ADCY1: variants seen among roughly 807,000 people sequenced by gnomAD.
The protein encoded by ADCY1 is adenylate cyclase type 1.
ADCY1 carries 28 observed loss-of-function variants against 105.4 expected under a neutral mutation model. The observed-to-expected ratio is 0.27, with a 90% confidence interval of 0.20 to 0.36. The LOEUF (loss-of-function observed/expected upper bound fraction) is 0.36. Among genes scored for constraint, ADCY1 ranks in the 10% least tolerant of loss-of-function variants. ADCY1 has a pLI of 1.00. For missense variants in ADCY1, 977 were observed against 1,434.2 expected, an observed-to-expected ratio of 0.68 and a Z score of 5.15; for synonymous variants, 655 against 623.8, an observed-to-expected ratio of 1.05 and a Z score of -0.75.
At position 45,684,985 on chromosome 7, in the gene ADCY1, C is replaced by G; in HGVS notation, c.1990C>G (p.Pro664Ala). The G allele has an allele frequency of 1.9e-6, 3 of 1,613,896 alleles. No individual in the cohort carries two copies. Among genetic ancestry groups the G allele is most frequent in the Non-Finnish European group, 2.5e-6 (3 of 1,179,742 alleles). ...ATTAACATTTCTTATTCAGTGTTTT[C>G]CAGGGTGCCTGACGATTCAGATTCG... ...YLHITRVQCFPGCLTIQIRTV... is the reference protein window; with the variant it reads ...YLHITRVQCFAGCLTIQIRTV... Residue 664 changes from proline to alanine, a missense_variant, in exon 12 of 20, where the codon CCA becomes GCA. Pro to Ala is a conservative substitution (Grantham distance 27). Around this residue, in one of 7 missense-constraint regions of ADCY1, gnomAD observed 275 missense variants for 362.1 expected, o/e 0.76. Transcript: ENST00000297323.
In ADCY1 at chr7:45,607,907, T is replaced by G. The variant is rs183701588; in HGVS notation, c.790-2472T>G. Reference sequence around the variant, plus strand: ...AATAGTGCTGCGATGTACATACACATGTATGTGTCTTTTTGGTAGAATGAT... The same window carrying G: ...AATAGTGCTGCGATGTACATACACAGGTATGTGTCTTTTTGGTAGAATGAT... On this transcript the variant is annotated intron_variant, in intron 2 of 19. Transcript: ENST00000297323. Among the ~76,000 whole-genome samples, 4 of 152,360 alleles carry G rather than the reference T, an allele frequency of 2.6e-5. No individual in the cohort carries two copies. The East Asian group carries it at 7.7e-4, about 29-fold the overall frequency.
At position 45,677,949 on chromosome 7, in the gene ADCY1, C is replaced by T. The variant is rs1261012189; in HGVS notation, c.1686C>T (p.Gly562=). The T allele has an allele frequency of 5.6e-6, 9 of 1,614,106 alleles. No individual in the cohort carries two copies. In the Admixed American group the frequency reaches 1.0e-4, roughly 18 times the overall value. The change falls in exon 9 of 20, where the codon GGC becomes GGT. Residue 562 remains glycine, a synonymous_variant. Coordinates refer to ENST00000297323, the MANE Select transcript of ADCY1 (RefSeq NM_021116.4). ...FSTNVVYTTP[G]TRVNRYISRL... The stretch of plus-strand genomic sequence containing the variant: ...CCAACGTTGTCTACACCACCCCGGG[C>T]ACTCGCGTCAACAGGTACATCAGCC...
intron 19 of ADCY1, among the ~76,000 whole-genome samples, chr7:45,712,126 TATTTAA>T (rs1027616920): frequency 7.2e-6 from 1 of 138,600 alleles, no homozygotes; most frequent in Non-Finnish European, 1.5e-5. Context: ...TAAATTTTTA[TATTTAA>T]AATTTTTATT....
chr7:45,670,308 G>A (rs1468820349), intron 8 of ADCY1, among the ~76,000 whole-genome samples: 1 of 152,164 alleles, frequency 6.6e-6, no homozygotes, highest in East Asian at 1.9e-4. Flanking sequence ...GGCCACTCTC[G>A]TGGATGCCCG....
At chr7:45,651,055 C>G (rs958039062) in intron 5 of ADCY1, among the ~76,000 whole-genome samples, 1 of 152,160 alleles carries the variant, frequency 6.6e-6, no homozygotes, top group Non-Finnish European at 1.5e-5. Flanking sequence ...TGAAACTGGT[C>G]TACCCTAGTG....
rs1350957244 is a variant in ADCY1 at position 45,677,914 on chromosome 7, T to C, written c.1651T>C (p.Ser551Pro). 3 of 1,613,982 alleles carry C rather than the reference T, an allele frequency of 1.9e-6. No homozygotes were observed. Among genetic ancestry groups the C allele is most frequent in the Non-Finnish European group, 2.5e-6 (3 of 1,180,018 alleles). The part of the protein sequence containing the change: ...TASEKLRNRS[S>P]FSTNVVYTTP... ...CTCGGAAAAACTCAGAAACCGCTCA[T>C]CTTTTTCTACCAACGTTGTCTACAC... Residue 551 changes from serine to proline, a missense_variant, in exon 9 of 20, where the codon TCT (serine) becomes CCT (proline). By Grantham distance (74) the Ser-to-Pro change is moderately conservative. Transcript: ENST00000297323.
At chr7:45,606,889 A>T (rs547553609) in intron 2 of ADCY1, among the ~76,000 whole-genome samples, 1 of 152,220 alleles carries the variant, frequency 6.6e-6, no homozygotes, top group East Asian at 1.9e-4. Flanking sequence ...GCTAGAGCTT[A>T]TTGACATATG....
rs1785328392 is a variant in ADCY1, at chr7:45,714,574, C to T, written c.*579C>T. 1 of 153,548 alleles carries T rather than the reference C, an allele frequency of 6.5e-6. No individual in the cohort carries two copies. The highest frequency in any genetic ancestry group is 2.1e-4 in the South Asian group (1 of 4,868). 9.5% of individuals were successfully genotyped at this position (153,548 alleles called of 1,614,324 possible). A position where few individuals can be genotyped will look rare whatever the true frequency, so the allele number is the denominator to read the frequency against. On this transcript the variant is annotated 3_prime_UTR_variant, in exon 20 of 20. Transcript: ENST00000297323. ...TTCACACCACAGGCACAATACAGAG[C>T]TGTCCACTCTTGAACTGGACCGTCT...
intron 3 of ADCY1, among the ~76,000 whole-genome samples, chr7:45,610,956 G>GGA: frequency 4.2e-5 from 1 of 23,786 alleles, no homozygotes; most frequent in African/African-American, 1.6e-4. Flanking sequence ...GATAGTGGAG[G>GGA]TGTAGAGGTG....
intron 2 of ADCY1, among the ~76,000 whole-genome samples, chr7:45,597,419 T>C (rs1793107742): frequency 6.6e-6 from 1 of 152,216 alleles, no homozygotes; most frequent in Non-Finnish European, 1.5e-5. Flanking sequence ...AGGGTGTGCT[T>C]CATCTTAAGC....
chr7:45,575,479 C>T lies in ADCY1; in HGVS notation c.639+297C>T, dbSNP rs1014567071. The stretch of plus-strand genomic sequence containing the variant: ...CCAAGGTCAGGGAGCTGATGAGCGG[C>T]CAGACGGCGGCCAGAGGGGTCCGCC... On this transcript the variant is annotated intron_variant, in intron 1 of 19. Transcript: ENST00000297323. This position sits in a 1 kb window ranked among gnomAD's most constrained non-coding sequence, Gnocchi z 4.7. Among the ~76,000 whole-genome samples, 3 of 152,246 alleles carry T rather than the reference C, an allele frequency of 2.0e-5. No homozygotes were observed. The highest frequency in any genetic ancestry group is 2.1e-4 in the South Asian group (1 of 4,838).
At chr7:45,693,766 C>T (rs1209475335) in intron 14 of ADCY1, among the ~76,000 whole-genome samples, 2 of 145,878 alleles carry the variant, frequency 1.4e-5, no homozygotes, top group Non-Finnish European at 3.0e-5. Context: ...ACATATACAC[C>T]ATGGAATACT....
At chr7:45,658,655 A>G (rs896817677) in intron 6 of ADCY1, among the ~76,000 whole-genome samples, 2 of 152,222 alleles carry the variant, frequency 1.3e-5, no homozygotes, top group South Asian at 2.1e-4. Flanking sequence ...AGGCCGGGCT[A>G]TGCAGCCGCT....
chr7:45,592,409 C>A (rs576742855), intron 1 of ADCY1, among the ~76,000 whole-genome samples: 1 of 152,210 alleles, frequency 6.6e-6, no homozygotes, highest in Non-Finnish European at 1.5e-5. Flanking sequence ...TTAGTGCCCA[C>A]CCCGATGGCC....
In ADCY1 at chr7:45,633,404, G is replaced by A. The variant is rs371553982; in HGVS notation, c.1020+10661G>A. 5.3e-5 allele frequency among the ~76,000 whole-genome samples: 8 copies of A among 152,280 alleles called. No individual in the cohort carries two copies. The East Asian group carries it at 5.8e-4, about 11-fold the overall frequency. On this transcript the variant is annotated intron_variant, in intron 4 of 19. Coordinates refer to ENST00000297323, the MANE Select transcript of ADCY1 (RefSeq NM_021116.4). ...TTGGAAAAACTCACAGATGAACTGC[G>A]TAGCCTAGAAATATTGAAAACATTA...
intron 14 of ADCY1, among the ~76,000 whole-genome samples, chr7:45,690,641 G>T (rs1479298779): frequency 3.3e-5 from 5 of 152,198 alleles, no homozygotes; most frequent in Non-Finnish European, 5.9e-5. Context: ...GCACATACCT[G>T]CCCTGGAAGG....
In ADCY1 at chr7:45,703,060, G is replaced by A. The variant is rs1160439166; in HGVS notation, c.2455-316G>A. Among the ~76,000 whole-genome samples the A allele has an allele frequency of 2.0e-5, 3 of 152,220 alleles. No homozygotes were observed. The highest frequency in any genetic ancestry group is 2.9e-5 in the Non-Finnish European group (2 of 68,042). ...GGAGCCTGTGGATGGGCACATGCCT[G>A]AGAAAGAGTTGCTGTAGCATCTGGT... On this transcript the variant is annotated intron_variant, in intron 14 of 19. Transcript: ENST00000297323. The surrounding 1 kb of genome is among the most constrained non-coding windows in gnomAD (Gnocchi z 5.9).
intron 4 of ADCY1, among the ~76,000 whole-genome samples, chr7:45,625,333 AC>A (rs1794021801): frequency 6.6e-6 from 1 of 152,168 alleles, no homozygotes; most frequent in Non-Finnish European, 1.5e-5. Context: ...TGGCTTACAT[AC>A]TTTTATCAAG....
chr7:45,595,181 A>G (rs1584256162), intron 2 of ADCY1, among the ~76,000 whole-genome samples: 1 of 152,198 alleles, frequency 6.6e-6, no homozygotes, highest in Admixed American at 6.5e-5. Flanking sequence ...TTACATCTTT[A>G]TAAATGATGT....
Sources: gnomAD v4.1 joint callset for allele counts (sites outside exome capture counted in the v4.1 genomes callset) on GRCh38, gnomAD v4.1.1 for gene constraint, gnomAD v4.1.1 regional missense constraint, Gnocchi (gnomAD v3.1) non-coding constraint, MANE v1.5 for transcripts, NCBI Gene and HGNC (gene_info 2026-07-23, HGNC 2026-07-21) for gene names.